ATXN7L1: variants seen among roughly 807,000 people sequenced by gnomAD.
ATXN7L1 encodes ataxin-7-like protein 1.
ATXN7L1 carries 15 observed loss-of-function variants against 70.8 expected under a neutral mutation model. The observed-to-expected ratio is 0.21, with a 90% CI of 0.14 to 0.33. The LOEUF (loss-of-function observed/expected upper bound fraction) is 0.33. Among genes scored for constraint, ATXN7L1 ranks in the 10% least tolerant of loss-of-function variants. The pLI is 1.00. For missense variants in ATXN7L1, 975 were observed against 1,097.1 expected, an observed-to-expected ratio of 0.89 and a Z score of 1.57; for synonymous variants, 440 against 445.1, an observed-to-expected ratio of 0.99 and a Z score of 0.14.
intron 4 of ATXN7L1, among the ~76,000 whole-genome samples, chr7:105,645,234 G>A (rs537170507): frequency 2.6e-5 from 4 of 152,008 alleles, no homozygotes; most frequent in Admixed American, 6.5e-5. Flanking sequence ...CATTAAAAAC[G>A]GTTAATATGG....
At chr7:105,719,424 G>T (rs1352735147) in intron 3 of ATXN7L1, among the ~76,000 whole-genome samples, 2 of 152,132 alleles carry the variant, frequency 1.3e-5, no homozygotes, top group Non-Finnish European at 2.9e-5. Context: ...ATAGTGTAAG[G>T]GTTTCCTTAT....
chr7:105,634,196 C>T (rs1380518865), intron 7 of ATXN7L1, among the ~76,000 whole-genome samples: 2 of 152,132 alleles, frequency 1.3e-5, no homozygotes, highest in Non-Finnish European at 2.9e-5. Flanking sequence ...TGTTTAGTTG[C>T]CGTTCACTGT....
intron 9 of ATXN7L1, among the ~76,000 whole-genome samples, chr7:105,617,319 C>T (rs768414557): frequency 1.3e-5 from 2 of 152,108 alleles, no homozygotes; most frequent in African/African-American, 4.8e-5. Flanking sequence ...CCACTGCACC[C>T]GGCCTGAATG....
intron 3 of ATXN7L1, among the ~76,000 whole-genome samples, chr7:105,686,561 A>T (rs1378429417): frequency 2.0e-5 from 3 of 152,188 alleles, no homozygotes. Flanking sequence ...TTAATATAAT[A>T]ACCTACTGAA....
At chr7:105,641,007 C>G (rs2115913849) in intron 5 of ATXN7L1, among the ~76,000 whole-genome samples, 1 of 152,256 alleles carries the variant, frequency 6.6e-6, no homozygotes, top group Middle Eastern at 3.4e-3. Flanking sequence ...AAACTCCGAG[C>G]ATATAACAAT....
chr7:105,702,021 T>C lies in ATXN7L1; in HGVS notation c.356-36733A>G, dbSNP rs547001232. Among the ~76,000 whole-genome samples, 140 of 152,356 alleles carry C rather than the reference T, an allele frequency of 9.2e-4. 3 individuals carry two copies. In the South Asian group the frequency reaches 0.028, roughly 30 times the overall value. ...AGCAGGCTATGGGCCTCTCCAGCCT[T>C]GGAGAAGACAAGTTGAAAAGCTCAC... On this transcript the variant is annotated intron_variant, in intron 3 of 11. Coordinates refer to ENST00000419735, the MANE Select transcript of ATXN7L1 (RefSeq NM_020725.2).
chr7:105,612,800 T>C (rs1184382844), intron 10 of ATXN7L1, among the ~76,000 whole-genome samples: 2 of 152,196 alleles, frequency 1.3e-5, no homozygotes, highest in African/African-American at 2.4e-5. Context: ...CTTCATGAGG[T>C]TATAACAAGT....
intron 2 of ATXN7L1, among the ~76,000 whole-genome samples, chr7:105,796,410 A>C (rs929006090): frequency 1.3e-5 from 2 of 152,194 alleles, no homozygotes; most frequent in Non-Finnish European, 2.9e-5. Context: ...ACTGGGAGGT[A>C]ACTGGACCCA....
intron 3 of ATXN7L1, among the ~76,000 whole-genome samples, chr7:105,720,985 C>T (rs559351589): frequency 6.6e-6 from 1 of 152,292 alleles, no homozygotes; most frequent in African/African-American, 2.4e-5. Context: ...TCCCTCAGCA[C>T]CACACATGGC....
intron 2 of ATXN7L1, among the ~76,000 whole-genome samples, chr7:105,857,069 C>T (rs1012242522): frequency 1.3e-5 from 2 of 152,200 alleles, no homozygotes; most frequent in East Asian, 3.8e-4. Flanking sequence ...TTGAGGAACT[C>T]ATAGCCCTCA....
rs58217531 is a variant in ATXN7L1 at position 105,716,665 on chromosome 7, G to GCACACA, written c.356-51383_356-51378dup. On this transcript the variant is annotated intron_variant, in intron 3 of 11. Coordinates refer to ENST00000419735, the MANE Select transcript of ATXN7L1 (RefSeq NM_020725.2). ...GGCAACATGGCGAAAACCTATCTCT[G>GCACACA]CACACACACACACACACACACACAC... is the stretch of plus-strand genomic sequence containing the variant. Among the ~76,000 whole-genome samples, 821 of 125,540 alleles carry GCACACA rather than the reference G, an allele frequency of 6.5e-3. 8 individuals carry two copies. Among genetic ancestry groups the GCACACA allele is most frequent in the Middle Eastern group, 0.013 (3 of 236 alleles). The allele number at this position is 125,540 out of a possible 152,430, so 82.4% of individuals were successfully genotyped here.
rs115091440 is a variant in ATXN7L1, at chr7:105,609,001, C to T, written c.2548-1111G>A. ...TATGCACACACTCCATTGAGAAAAT[C>T]ATTTATCACAGGTGTACACACCGAC... On this transcript the variant is annotated intron_variant, in intron 11 of 11. Coordinates refer to ENST00000419735, the MANE Select transcript of ATXN7L1 (RefSeq NM_020725.2). 6.4e-3 allele frequency among the ~76,000 whole-genome samples: 968 copies of T among 152,266 alleles called. 12 individuals carry two copies. The highest frequency in any genetic ancestry group is 0.022 in the African/African-American group (929 of 41,538).
intron 3 of ATXN7L1, among the ~76,000 whole-genome samples, chr7:105,733,533 T>TCCATCCATCCAC (rs1796844382): frequency 0.079 from 8,131 of 102,824 alleles, 905 homozygotes; most frequent in East Asian, 0.2. Context: ...CATCCATCCA[T>TCCATCCATCCAC]CCATCCACCC....
intron 2 of ATXN7L1, among the ~76,000 whole-genome samples, chr7:105,818,781 C>T (rs544459477): frequency 1.4e-4 from 22 of 152,108 alleles, no homozygotes; most frequent in Non-Finnish European, 2.8e-4. Flanking sequence ...AATCCTTTAC[C>T]GAAAAACTGG....
chr7:105,659,195 A>T (rs1216409006), intron 4 of ATXN7L1, among the ~76,000 whole-genome samples: 2 of 152,222 alleles, frequency 1.3e-5, no homozygotes, highest in Admixed American at 6.5e-5. Flanking sequence ...GGCTGTTGAA[A>T]ATGTAAAATT....
intron 8 of ATXN7L1, 128 bp downstream of exon 8, chr7:105,623,947 G>T: frequency 1.2e-6 from 1 of 830,332 alleles, no homozygotes; most frequent in Non-Finnish European, 1.6e-6. Context: ...CAAACTCATG[G>T]TAAGCCTTTT....
intron 2 of ATXN7L1, among the ~76,000 whole-genome samples, chr7:105,804,058 T>A (rs1055082493): frequency 2.0e-5 from 3 of 152,116 alleles, no homozygotes; most frequent in African/African-American, 7.2e-5. Flanking sequence ...GGGAGAGAAA[T>A]GGGCATCCCT....
chr7:105,653,411 G>A (rs1439354674), intron 4 of ATXN7L1, among the ~76,000 whole-genome samples: 3 of 152,186 alleles, frequency 2.0e-5, no homozygotes, highest in Non-Finnish European at 4.4e-5. Context: ...TCGTGTCACA[G>A]CACTCCAGCC....
chr7:105,627,667 G>A (rs186875999), intron 7 of ATXN7L1, among the ~76,000 whole-genome samples: 47 of 151,940 alleles, frequency 3.1e-4, no homozygotes, highest in Non-Finnish European at 5.4e-4. Context: ...GAGTAGCTGG[G>A]ACTACAGGTG....
Sources: gnomAD v4.1 joint callset for allele counts (sites outside exome capture counted in the v4.1 genomes callset) on GRCh38, gnomAD v4.1.1 for gene constraint, MANE v1.5 for transcripts, NCBI Gene and HGNC (gene_info 2026-07-23, HGNC 2026-07-21) for gene names.